RSPH3: variants seen among roughly 807,000 people sequenced by gnomAD.
The protein encoded by RSPH3 is radial spoke head protein 3 homolog.
Under a neutral mutation model 43.8 loss-of-function variants are expected in RSPH3, and 21 were observed. That is an observed-to-expected ratio of 0.48 (90% CI 0.34 to 0.69). RSPH3 has a LOEUF of 0.69. Ranked by LOEUF, RSPH3 falls within the 30% of genes least tolerant of loss-of-function variation. The pLI is 0.01. For missense variants in RSPH3, 487 were observed against 516.0 expected (o/e 0.94, Z 0.54); for synonymous variants, 173 against 179.8 (o/e 0.96, Z 0.30).
chr6:158,984,953 G>A lies in RSPH3; in HGVS notation c.347-1146C>T, dbSNP rs148217216. ...ATTCTAGACTTGGCCTAAAGGCAGGGGTTAAAGCATGGAATGGTCCCTTTT... is the reference window on the plus strand; with the variant it reads ...ATTCTAGACTTGGCCTAAAGGCAGGAGTTAAAGCATGGAATGGTCCCTTTT... On this transcript the variant is annotated intron_variant, in intron 3 of 7. Transcript: ENST00000367069. Among the ~76,000 whole-genome samples the A allele has an allele frequency of 8.0e-4, 122 of 152,252 alleles. 1 individual carries two copies. In the East Asian group the frequency reaches 0.023, roughly 28 times the overall value.
At position 158,980,809 on chromosome 6, in the gene RSPH3, C is replaced by G. The variant is rs770525375; in HGVS notation, c.824G>C (p.Arg275Thr). 2.5e-6 allele frequency: 4 copies of G among 1,614,088 alleles called. No individual in the cohort carries two copies. The highest frequency in any genetic ancestry group is 2.2e-5 in the East Asian group (1 of 44,886). ...GGGATCATAAAAGTAGCCACTATCC[C>G]TGAGGCTGCCAAAAACAGACGGGAG... ...DLLPSVFGSL[R>T]DSGYFYDPIE... is the part of the protein sequence containing the mutation. The change falls in exon 6 of 8, where the codon AGG becomes ACG. Residue 275 changes from arginine (R) to threonine (T), a missense_variant. Coordinates refer to ENST00000367069, the MANE Select transcript of RSPH3 (RefSeq NM_031924.8).
Position 158,983,743 on chromosome 6 carries a change from T to G in RSPH3, c.411A>C (p.Ala137=), listed in dbSNP as rs1562561662. Residue 137 remains alanine, a synonymous_variant, in exon 4 of 8, where the codon GCA becomes GCC. Transcript: ENST00000367069. Reference sequence around the variant, plus strand: ...GTGGTGTTGGTGGTCTGTCCAAAAATGCATCTGTTTGGCATTCCATATCAA... The same window carrying G: ...GTGGTGTTGGTGGTCTGTCCAAAAAGGCATCTGTTTGGCATTCCATATCAA... ...IEVDMECQTD[A]FLDRPPTPLF... 6.2e-7 allele frequency: 1 copy of G among 1,610,136 alleles called. No homozygotes were observed.
At chr6:158,985,575 C>T (rs900682411) in intron 3 of RSPH3, among the ~76,000 whole-genome samples, 5 of 152,030 alleles carry the variant, frequency 3.3e-5, no homozygotes, top group Non-Finnish European at 5.9e-5. Flanking sequence ...GAATTACAGG[C>T]GTGCACCACT....
intron 6 of RSPH3, among the ~76,000 whole-genome samples, chr6:158,978,828 C>T (rs1777937022): frequency 6.6e-6 from 1 of 152,174 alleles, no homozygotes; most frequent in Non-Finnish European, 1.5e-5. Context: ...TGTGAGCCAC[C>T]ACACCTTGCC....
At chr6:158,964,292 T>C in the RSPH3 span, among the ~76,000 whole-genome samples, 2 of 152,222 alleles carry the variant, frequency 1.3e-5, no homozygotes, top group Non-Finnish European at 2.9e-5. Flanking sequence ...GTTTTTGCCA[T>C]GGATTGATAG....
intron 2 of RSPH3, among the ~76,000 whole-genome samples, chr6:158,993,362 C>T (rs1282003759): frequency 9.2e-5 from 14 of 151,452 alleles, no homozygotes; most frequent in East Asian, 7.8e-4. Flanking sequence ...GTGAGCTGCC[C>T]GCCTTGGCCT....
At position 158,993,852 on chromosome 6, in the gene RSPH3, T is replaced by C. The variant is rs1277894220; in HGVS notation, c.191A>G (p.Gln64Arg). The C allele has an allele frequency of 4.4e-6, 7 of 1,600,728 alleles. No homozygotes were observed. The East Asian group carries it at 1.3e-4, about 31-fold the overall frequency. ...AACTGAACTTACCAGTGGCCCTGTC[T>C]GGAGTGCATAAGTGTTACCTCGAAT... ...RVIRGNTYALQTGPLLGRPDS... is the reference protein window; with the variant it reads ...RVIRGNTYALRTGPLLGRPDS... Residue 64 changes from glutamine (Q) to arginine (R), a missense_variant, in exon 2 of 8, where the codon CAG becomes CGG. Gln to Arg is a conservative substitution (Grantham distance 43, BLOSUM62 1). Transcript: ENST00000367069.
chr6:158,983,650 G>A lies in RSPH3; in HGVS notation c.492+12C>T, dbSNP rs1778114605. On this transcript the variant is annotated intron_variant, in intron 4 of 7. Coordinates refer to ENST00000367069, the MANE Select transcript of RSPH3 (RefSeq NM_031924.8). ...AAAGATTATAGAGGGAAGCCCAAAG[G>A]ATGTACTGTACCTCTCCTTCTAGTA... The A allele has an allele frequency of 6.2e-7, 1 of 1,605,454 alleles. No homozygotes were observed. The highest frequency in any genetic ancestry group is 1.3e-5 in the African/African-American group (1 of 74,800).
chr6:158,988,291 T>A (rs1778298308), intron 2 of RSPH3: 1 of 152,322 alleles, frequency 6.6e-6, no homozygotes, highest in South Asian at 2.1e-4. Context: ...GCTATTTGCT[T>A]CTTTTCTCTT....
In RSPH3 at chr6:158,999,534, G is replaced by A. The variant is rs1435258179; in HGVS notation, c.17C>T (p.Thr6Ile). The change falls in exon 1 of 8, where the codon ACT becomes ATT. Residue 6 changes from threonine (T) to isoleucine (I), a missense_variant. Physicochemically the swap from Thr to Ile is moderately conservative, Grantham distance 89. Coordinates refer to ENST00000367069, the MANE Select transcript of RSPH3 (RefSeq NM_031924.8). Reference protein sequence around the residue: MASALTDRTSRAPSTY... With the variant: MASALIDRTSRAPSTY... ...GCTCGGGGCCCGAGAGGTGCGATCA[G>A]TCAGCGCTGAGGCCATGTCCGGGGG... is the stretch of plus-strand genomic sequence containing the variant. The A allele has an allele frequency of 1.3e-6, 2 of 1,581,070 alleles. No individual in the cohort carries two copies. Among genetic ancestry groups the A allele is most frequent in the Non-Finnish European group, 1.7e-6 (2 of 1,159,274 alleles).
At chr6:158,965,180 C>T in the RSPH3 span, among the ~76,000 whole-genome samples, 4 of 152,092 alleles carry the variant, frequency 2.6e-5, no homozygotes, top group South Asian at 2.1e-4. Flanking sequence ...TCCCTTACCA[C>T]ACAGTTTTGA....
chr6:158,997,420 T>C (rs1247045098), intron 1 of RSPH3, among the ~76,000 whole-genome samples: 2 of 151,946 alleles, frequency 1.3e-5, no homozygotes, highest in Non-Finnish European at 2.9e-5. Flanking sequence ...TACAGGTACA[T>C]GCCACCATGC....
In RSPH3 at chr6:158,984,437, TATATATATATATATATATA is replaced by T. The variant is rs1778150051; in HGVS notation, c.347-649_347-631del. On this transcript the variant is annotated intron_variant, in intron 3 of 7. Coordinates refer to ENST00000367069, the MANE Select transcript of RSPH3 (RefSeq NM_031924.8). ...ACAACAGTGGATAAAAAGTCAATTA[TATATATATATATATATATA>T]TATATATATATATATATATTTGAGT... Among the ~76,000 whole-genome samples the T allele has an allele frequency of 1.2e-3, 61 of 49,484 alleles. 6 individuals are homozygous for T. The highest frequency in any genetic ancestry group is 2.3e-3 in the African/African-American group (43 of 18,850). The allele number at this position is 49,484 out of a possible 152,430, so 32.5% of individuals were successfully genotyped here.
chr6:158,998,801 C>G (rs996516427), intron 1 of RSPH3, among the ~76,000 whole-genome samples: 3 of 149,882 alleles, frequency 2.0e-5, no homozygotes, highest in African/African-American at 7.4e-5. Context: ...GGGAGGGGGG[C>G]GGAGGTTGCA....
the RSPH3 span, among the ~76,000 whole-genome samples, chr6:158,963,580 T>G: frequency 1.3e-5 from 2 of 151,078 alleles, no homozygotes; most frequent in Non-Finnish European, 2.9e-5. Context: ...TTTTTCCCTT[T>G]TCTTTTTTCT....
At chr6:158,977,897 T>C (rs775965663) in intron 7 of RSPH3, 49 bp from the exon 8 acceptor site, 2 of 1,468,388 alleles carry the variant, frequency 1.4e-6, no homozygotes, top group Non-Finnish European at 1.9e-6. Context: ...TATTATGGTA[T>C]ATTTCAGGAG....
In RSPH3 at chr6:158,999,134, A is replaced by G. The variant is rs147777952; in HGVS notation, c.116+301T>C. Among the ~76,000 whole-genome samples the G allele has an allele frequency of 8.3e-3, 1,268 of 152,356 alleles. 8 individuals are homozygous for G. The highest frequency in any genetic ancestry group is 0.017 in the Middle Eastern group (5 of 294). On this transcript the variant is annotated intron_variant, in intron 1 of 7. Coordinates refer to ENST00000367069, the MANE Select transcript of RSPH3 (RefSeq NM_031924.8). ...GCCCCCCGTAAGGTGCTCAGCACGT[A>G]GTTGGCCCTCAATACACACTGGTAC...
intron 1 of RSPH3, among the ~76,000 whole-genome samples, chr6:158,998,898 A>G (rs1033035319): frequency 6.6e-6 from 1 of 151,968 alleles, no homozygotes; most frequent in African/African-American, 2.4e-5. Context: ...CACCACCACC[A>G]CCACCACCAC....
rs544179718 is a variant in RSPH3 at position 158,975,039 on chromosome 6, C to T, written c.*2499G>A. ...TATTTTTAGTAGAGACGGGGTTTCA[C>T]CATGTTGGCCAGGATGGTCTTGATC... On this transcript the variant is annotated 3_prime_UTR_variant, in exon 8 of 8. Transcript: ENST00000367069. The T allele has an allele frequency of 3.3e-5, 5 of 152,008 alleles. No individual in the cohort carries two copies. The highest frequency in any genetic ancestry group is 1.2e-4 in the African/African-American group (5 of 41,362). The allele number at this position is 152,008 out of a possible 1,614,324, so 9.4% of individuals were successfully genotyped here. A position where few individuals can be genotyped will look rare whatever the true frequency, so the allele number is the denominator to read the frequency against.
Sources: gnomAD v4.1 joint callset for allele counts (sites outside exome capture counted in the v4.1 genomes callset) on GRCh38, gnomAD v4.1.1 for gene constraint, MANE v1.5 for transcripts, NCBI Gene and HGNC (gene_info 2026-07-23, HGNC 2026-07-21) for gene names.